USP6: variants seen among roughly 807,000 people sequenced by gnomAD.
USP6 encodes the protein ubiquitin specific peptidase 6, also known as ubiquitin carboxyl-terminal hydrolase 6.
Under a neutral mutation model 175.7 loss-of-function variants are expected in USP6, and 128 were observed. That is an observed-to-expected ratio of 0.73 (90% CI 0.63 to 0.84). The LOEUF (loss-of-function observed/expected upper bound fraction) is 0.84, where lower values mean the gene tolerates loss of function less well. Ranked by LOEUF, USP6 falls within the 40% of genes least tolerant of loss-of-function variation. The pLI is 0.00. For synonymous variants in USP6, 562 were observed against 630.6 expected, an observed-to-expected ratio of 0.89 and a Z score of 1.63; for missense variants, 1,498 against 1,760.3, an observed-to-expected ratio of 0.85 and a Z score of 2.67.
chr17:5,142,094 A>G lies in USP6; in HGVS notation c.1665A>G (p.Pro555=). The part of the protein sequence containing the change: ...SSIQCVSNTQ[P]LTQYFISGRH... ...TCCAGTGCGTTAGTAACACACAGCC[A>G]CTGACACAGTATTTTATCTCAGGGA... Residue 555 remains proline, a synonymous_variant, in exon 24 of 38, where the codon CCA becomes CCG. Transcript: ENST00000574788. 6.2e-7 allele frequency: 1 copy of G among 1,613,796 alleles called. No individual in the cohort carries two copies. The highest frequency in any genetic ancestry group is 1.1e-5 in the South Asian group (1 of 91,010).
chr17:5,166,779 C>T lies in USP6; in HGVS notation c.3037-1153C>T, dbSNP rs541713137. 4.6e-5 allele frequency among the ~76,000 whole-genome samples: 7 copies of T among 151,950 alleles called. No homozygotes were observed. In the East Asian group the frequency reaches 9.7e-4, roughly 21 times the overall value. ...AGCCAGGCATGGAGAGGGAAAAATT[C>T]TTTCTCTTCTGCTGCATTCTAGATC... On this transcript the variant is annotated intron_variant, in intron 33 of 37. Transcript: ENST00000574788.
At chr17:5,136,077 G>C in intron 17 of USP6, 149 bp downstream of exon 17, 1 of 1,474,644 alleles carries the variant, frequency 6.8e-7, no homozygotes, top group Non-Finnish European at 9.0e-7. Context: ...GGTCCCACAG[G>C]AGTCCGCAGC....
intron 33 of USP6, 57 bp from the exon 34 acceptor site, chr17:5,167,875 T>G (rs959720891): frequency 3.1e-5 from 48 of 1,556,344 alleles, no homozygotes; most frequent in Non-Finnish European, 4.1e-5. Context: ...CATAGCTAGA[T>G]CACCAGTTTA....
At chr17:5,121,337 A>T in intron 3 of USP6, 38 bp from the exon 4 acceptor site, 1 of 343,610 alleles carries the variant, frequency 2.9e-6, no homozygotes. Context: ...CACTTCTGAA[A>T]ATCTCCTGAA....
intron 17 of USP6, 90 bp downstream of exon 17, chr17:5,136,018 C>G: frequency 6.3e-7 from 1 of 1,584,730 alleles, no homozygotes; most frequent in Non-Finnish European, 8.5e-7. Context: ...CCAAGGCACA[C>G]TCCTTGTGTT....
Position 5,144,778 on chromosome 17 carries a change from A to G in USP6, c.1907A>G (p.His636Arg), listed in dbSNP as rs769718417. 1 of 1,613,712 alleles carries G rather than the reference A, an allele frequency of 6.2e-7. No individual in the cohort carries two copies. Among genetic ancestry groups the G allele is most frequent in the Non-Finnish European group, 8.5e-7 (1 of 1,179,824 alleles). The part of the protein sequence containing the change: ...ELLAFLLDGL[H>R]EDLNRVHEKP... The stretch of plus-strand genomic sequence containing the variant: ...CTGGCTTTTCTCTTGGATGGTCTTC[A>G]TGAAGATCTCAACCGAGTCCATGAA... Residue 636 changes from histidine (H) to arginine (R), a missense_variant, in exon 26 of 38, where the codon CAT becomes CGT. Physicochemically the swap from His to Arg is conservative, Grantham distance 29. This residue lies in a region of USP6 where 1,217 missense variants were observed against 1,500.8 expected (regional missense o/e 0.81). Transcript: ENST00000574788.
chr17:5,136,614 T>C, intron 17 of USP6, 26 bp from the exon 18 acceptor site: 19 of 1,610,164 alleles, frequency 1.2e-5, no homozygotes, highest in Non-Finnish European at 1.5e-5. Context: ...AGGCTCTGAT[T>C]TCATGATGGG....
At position 5,139,605 on chromosome 17, in the gene USP6, T is replaced by A; in HGVS notation, c.1429T>A (p.Cys477Ser). ...WFPHYDFEWS[C>S]WVRAISQEDQ... ...CCCCCATTATGATTTTGAATGGAGC[T>A]GCTGGGTCCGTGCCATATCCCAGGA... The change falls in exon 22 of 38, where the codon TGC (cysteine) becomes AGC (serine). Residue 477 changes from cysteine (C) to serine (S), a missense_variant. Physicochemically the swap from Cys to Ser is moderately radical, Grantham distance 112 (BLOSUM62 -1). Around this residue, in one of 2 missense-constraint regions of USP6, gnomAD observed 1,217 missense variants for 1,500.8 expected, o/e 0.81. Transcript: ENST00000574788. 1 of 1,613,462 alleles carries A rather than the reference T, an allele frequency of 6.2e-7. No homozygotes were observed. The highest frequency in any genetic ancestry group is 8.5e-7 in the Non-Finnish European group (1 of 1,179,990).
chr17:5,133,700 A>G, intron 14 of USP6, 150 bp downstream of exon 14: 1 of 1,155,338 alleles, frequency 8.7e-7, no homozygotes, highest in South Asian at 1.3e-5. Context: ...CACAGTCACC[A>G]CAGACAAACT....
chr17:5,130,535 G>T, intron 10 of USP6, 67 bp from the exon 11 acceptor site: 1 of 1,610,944 alleles, frequency 6.2e-7, no homozygotes, highest in Non-Finnish European at 8.5e-7. Flanking sequence ...GGGACGGGTG[G>T]CCAATACCCC....
At chr17:5,142,213 C>A in intron 24 of USP6, 72 bp downstream of exon 24, 1 of 1,563,176 alleles carries the variant, frequency 6.4e-7, no homozygotes, top group South Asian at 1.2e-5. Flanking sequence ...TAAATTTCCT[C>A]TTTTTTCACC....
At chr17:5,158,147 AC>A (rs2073925312) in intron 31 of USP6, among the ~76,000 whole-genome samples, 1 of 152,216 alleles carries the variant, frequency 6.6e-6, no homozygotes, top group Non-Finnish European at 1.5e-5. Flanking sequence ...AAGCCCTGAG[AC>A]CAGATGATTA....
chr17:5,161,019 A>T (rs754027408), intron 31 of USP6, among the ~76,000 whole-genome samples: 1 of 152,220 alleles, frequency 6.6e-6, no homozygotes, highest in Non-Finnish European at 1.5e-5. Context: ...CTTAAAGTAT[A>T]ATAAAAAAAA....
chr17:5,128,416 A>G (rs1000760273), intron 7 of USP6: 5 of 152,216 alleles, frequency 3.3e-5, no homozygotes, highest in Non-Finnish European at 5.9e-5. Context: ...AAGTAATAGT[A>G]TTAGCTTTTG....
Position 5,147,117 on chromosome 17 carries a change from C to T in USP6, c.2354C>T (p.Ser785Leu), listed in dbSNP as rs1317877411. 1.1e-5 allele frequency: 17 copies of T among 1,613,614 alleles called. No homozygotes were observed. Among genetic ancestry groups the T allele is most frequent in the Non-Finnish European group, 1.4e-5 (17 of 1,179,828 alleles). The change falls in exon 29 of 38, where the codon TCA becomes TTA. Residue 785 changes from serine (S) to leucine (L), a missense_variant. This residue lies in a region of USP6 where 1,217 missense variants were observed against 1,500.8 expected (regional missense o/e 0.81). Coordinates refer to ENST00000574788, the MANE Select transcript of USP6 (RefSeq NM_001304284.2). ...CAGGATAACCAAAAAGTACAACTCT[C>T]AGTGAGCGGATTTTTGTGTGCATTT... ...FPQDNQKVQL[S>L]VSGFLCAFEI...
At chr17:5,152,218 G>C (rs1475998879) in intron 30 of USP6, among the ~76,000 whole-genome samples, 2 of 150,880 alleles carry the variant, frequency 1.3e-5, no homozygotes, top group Non-Finnish European at 2.9e-5. Flanking sequence ...TTCCAGCCTG[G>C]GCAACAGAGC....
intron 33 of USP6, among the ~76,000 whole-genome samples, chr17:5,163,440 C>G (rs147849140): frequency 3.9e-5 from 6 of 152,078 alleles, no homozygotes; most frequent in Admixed American, 3.9e-4. Context: ...TCTAACAGCC[C>G]GCTCTCTTGG....
chr17:5,171,806 T>C (rs1242911261), intron 37 of USP6, 127 bp downstream of exon 37: 1 of 1,074,350 alleles, frequency 9.3e-7, no homozygotes, highest in African/African-American at 1.6e-5. Flanking sequence ...ATAGATGCTG[T>C]CAGTATTAAA....
chr17:5,150,828 G>C (rs1330776720), intron 30 of USP6, among the ~76,000 whole-genome samples: 9 of 152,186 alleles, frequency 5.9e-5, no homozygotes, highest in Non-Finnish European at 1.0e-4. Context: ...GAGGCCAGAA[G>C]TCTGAAACCA....
Sources: allele counts gnomAD v4.1 joint callset (sites outside exome capture counted in the v4.1 genomes callset), GRCh38; gene constraint gnomAD v4.1.1; regional missense constraint gnomAD v4.1.1; transcripts MANE v1.5; gene names NCBI Gene and HGNC (gene_info 2026-07-23, HGNC 2026-07-21).